RGS7: variants seen among roughly 807,000 people sequenced by gnomAD.
The protein encoded by RGS7 is regulator of G-protein signaling 7.
A neutral mutation model predicts 81.1 loss-of-function variants in RGS7; 27 were observed. That is an observed-to-expected ratio of 0.33 (90% CI 0.25 to 0.46). The LOEUF (loss-of-function observed/expected upper bound fraction) is 0.46. RGS7 is among the 20% of genes least tolerant of loss of function. The pLI is 1.00. For synonymous variants in RGS7, 208 were observed against 207.7 expected (o/e 1.00, Z -0.01); for missense variants, 396 against 607.4 (o/e 0.65, Z 3.66).
intron 2 of RGS7, among the ~76,000 whole-genome samples, chr1:241,253,174 T>C (rs980574795): frequency 2.6e-5 from 4 of 152,234 alleles, no homozygotes; most frequent in African/African-American, 9.6e-5. Context: ...TGTTGACAGA[T>C]TGGATGAGAA....
chr1:240,782,644 A>G (rs1684324011), intron 18 of RGS7, among the ~76,000 whole-genome samples: 2 of 151,330 alleles, frequency 1.3e-5, no homozygotes, highest in Admixed American at 6.6e-5. Flanking sequence ...CTGATCTCAA[A>G]CTCCTGGGCT....
intron 2 of RGS7, among the ~76,000 whole-genome samples, chr1:241,246,991 AC>A (rs1355221994): frequency 6.6e-6 from 1 of 152,070 alleles, no homozygotes; most frequent in Non-Finnish European, 1.5e-5. Flanking sequence ...TCCCAGAAAT[AC>A]ACAGAAAGAA....
intron 18 of RGS7, among the ~76,000 whole-genome samples, chr1:240,793,611 A>ATATTTTTTTTTTTTTTTTTTTT: frequency 1.3e-5 from 1 of 78,872 alleles, no homozygotes; most frequent in African/African-American, 9.7e-5. Flanking sequence ...ATATATATAT[A>ATATTTTTTTTTTTTTTTTTTTT]TTTTTTTTTT....
chr1:240,863,729 T>C (rs928237392), intron 9 of RGS7, among the ~76,000 whole-genome samples: 1 of 152,064 alleles, frequency 6.6e-6, no homozygotes, highest in African/African-American at 2.4e-5. Flanking sequence ...TCTGGACTTT[T>C]AAAAACAGCA....
chr1:241,046,575 T>A (rs2060942807), intron 3 of RGS7, among the ~76,000 whole-genome samples: 1 of 152,180 alleles, frequency 6.6e-6, no homozygotes, highest in Admixed American at 6.5e-5. Context: ...ATTCTACATC[T>A]TTTCTTCAAC....
chr1:241,232,214 C>CTCTT (rs1373201525), intron 2 of RGS7, among the ~76,000 whole-genome samples: 1 of 151,800 alleles, frequency 6.6e-6, no homozygotes, highest in East Asian at 1.9e-4. Flanking sequence ...CTCTCTCTTT[C>CTCTT]TCTCTCTCTT....
intron 2 of RGS7, among the ~76,000 whole-genome samples, chr1:241,287,047 A>G (rs11584771): frequency 0.12 from 18,339 of 152,274 alleles, 1,232 homozygotes; most frequent in Middle Eastern, 0.17. Context: ...AATGACAAAT[A>G]TAGACATCAC....
intron 18 of RGS7, among the ~76,000 whole-genome samples, chr1:240,783,324 A>G (rs1241904573): frequency 6.6e-6 from 1 of 152,192 alleles, no homozygotes; most frequent in Admixed American, 6.5e-5. Context: ...AACTGACTTT[A>G]AAAACATCAT....
At chr1:241,018,836 T>C (rs1192887349) in intron 3 of RGS7, among the ~76,000 whole-genome samples, 1 of 152,144 alleles carries the variant, frequency 6.6e-6, no homozygotes. Flanking sequence ...TCATATACCC[T>C]GATAATTAGG....
Position 241,183,971 on chromosome 1 carries a change from T to G in RGS7, c.79-85209A>C, listed in dbSNP as rs112437539. Among the ~76,000 whole-genome samples, 920 of 152,234 alleles carry G rather than the reference T, an allele frequency of 6.0e-3. 7 individuals are homozygous for G. Among genetic ancestry groups the G allele is most frequent in the African/African-American group, 0.021 (883 of 41,528 alleles). On this transcript the variant is annotated intron_variant, in intron 2 of 18. Transcript: ENST00000440928. Reference sequence around the variant, plus strand: ...TGACAGCAACACCCTGTTGGGCAGATGGACAGAACAGGAGTCGATGGGAGT... The same window carrying G: ...TGACAGCAACACCCTGTTGGGCAGAGGGACAGAACAGGAGTCGATGGGAGT...
chr1:240,953,675 C>T (rs1116299), intron 4 of RGS7, among the ~76,000 whole-genome samples: 53,722 of 151,722 alleles, frequency 0.35, 11,024 homozygotes, highest in East Asian at 0.62. Flanking sequence ...TAAGATTATA[C>T]GCTAGCAATA....
intron 3 of RGS7, among the ~76,000 whole-genome samples, chr1:240,993,971 A>T (rs953775334): frequency 6.6e-6 from 1 of 152,190 alleles, no homozygotes; most frequent in African/African-American, 2.4e-5. Context: ...TGTTTGTCAA[A>T]AATCCATTGT....
intron 2 of RGS7, among the ~76,000 whole-genome samples, chr1:241,277,563 C>G (rs1407318850): frequency 1.3e-5 from 2 of 150,604 alleles, no homozygotes; most frequent in South Asian, 4.2e-4. Flanking sequence ...AGCTTGCAGT[C>G]AGCCGAGATC....
intron 2 of RGS7, among the ~76,000 whole-genome samples, chr1:241,231,275 G>A (rs2148061900): frequency 6.6e-6 from 1 of 152,200 alleles, no homozygotes; most frequent in Middle Eastern, 3.4e-3. Context: ...GGCTTTTGAT[G>A]ACATAGAATA....
intron 3 of RGS7, among the ~76,000 whole-genome samples, chr1:240,991,042 A>T (rs1686382099): frequency 6.6e-6 from 1 of 152,232 alleles, no homozygotes; most frequent in Non-Finnish European, 1.5e-5. Context: ...ACAGGATAGA[A>T]GCCCGATATT....
chr1:241,273,450 T>C (rs868055942), intron 2 of RGS7, among the ~76,000 whole-genome samples: 1 of 152,272 alleles, frequency 6.6e-6, no homozygotes. Flanking sequence ...GCTTTTTTTT[T>C]TGAGGGAGAT....
At chr1:241,091,344 C>A (rs904507975) in intron 3 of RGS7, among the ~76,000 whole-genome samples, 7 of 151,282 alleles carry the variant, frequency 4.6e-5, no homozygotes, top group African/African-American at 1.7e-4. Context: ...GTAGGGAGAT[C>A]GAGACCATCT....
intron 3 of RGS7, among the ~76,000 whole-genome samples, chr1:241,092,017 C>T (rs1397548266): frequency 6.6e-6 from 1 of 152,028 alleles, no homozygotes; most frequent in African/African-American, 2.4e-5. Context: ...GGGTTTAAAG[C>T]CTATTTATTA....
intron 2 of RGS7, among the ~76,000 whole-genome samples, chr1:241,133,685 A>G (rs1205927542): frequency 6.6e-6 from 1 of 152,224 alleles, no homozygotes. Context: ...AAGGGTTTAG[A>G]AACATTGACA....
Sources: allele counts gnomAD v4.1 joint callset (sites outside exome capture counted in the v4.1 genomes callset), GRCh38; gene constraint gnomAD v4.1.1; transcripts MANE v1.5; gene names NCBI Gene and HGNC (gene_info 2026-07-23, HGNC 2026-07-21).